Variants in TAF4 observed in about 807,000 individuals in gnomAD.
TAF4 encodes transcription initiation factor TFIID subunit 4.
Under a neutral mutation model 90.3 loss-of-function variants are expected in TAF4, and 9 were observed. The observed-to-expected ratio is 0.10, with a 90% CI of 0.06 to 0.17. The LOEUF (loss-of-function observed/expected upper bound fraction) is 0.17. Among genes scored for constraint, TAF4 ranks in the 10% least tolerant of loss-of-function variants. TAF4 has a pLI of 1.00. For synonymous variants in TAF4, 818 were observed against 638.9 expected (o/e 1.28, Z -4.23); for missense variants, 1,351 against 1,370.7 (o/e 0.99, Z 0.23).
At chr20:61,983,906 G>A (rs1483322495) in intron 14 of TAF4, among the ~76,000 whole-genome samples, 1 of 152,106 alleles carries the variant, frequency 6.6e-6, no homozygotes, top group African/African-American at 2.4e-5. Flanking sequence ...AGACACCCAG[G>A]GTGACGGTCT....
At chr20:62,007,417 AC>A in intron 6 of TAF4, 129 bp downstream of exon 6, 1 of 799,424 alleles carries the variant, frequency 1.3e-6, no homozygotes. Context: ...CCCCGGCCCC[AC>A]CCCCGTAGGC....
At chr20:62,056,167 G>A (rs1243242060) in intron 1 of TAF4, among the ~76,000 whole-genome samples, 1 of 152,170 alleles carries the variant, frequency 6.6e-6, no homozygotes, top group African/African-American at 2.4e-5. Context: ...ATCCCGGGAG[G>A]CGGAGGTTGC....
chr20:62,065,751 T>C lies in TAF4; in HGVS notation c.60A>G (p.Lys20=). 3.0e-6 allele frequency: 4 copies of C among 1,321,056 alleles called. No individual in the cohort carries two copies. The highest frequency in any genetic ancestry group is 3.9e-6 in the Non-Finnish European group (4 of 1,016,540). 81.8% of individuals were successfully genotyped at this position (1,321,056 alleles called of 1,614,324 possible). A position where few individuals can be genotyped will look rare whatever the true frequency, so the allele number is the denominator to read the frequency against. Residue 20 remains lysine (K), a synonymous_variant, in exon 1 of 15, where the codon AAA becomes AAG. Coordinates refer to ENST00000252996, the MANE Select transcript of TAF4 (RefSeq NM_003185.4). ...GCGAGCCCACCAGGTCGCTCACCAC[T>C]TTCTCGTCCACCTCGCTGTTGAAGA... is the stretch of plus-strand genomic sequence containing the variant. ...EVFFNSEVDE[K]VVSDLVGSLE...
Position 62,006,003 on chromosome 20 carries a change from T to C in TAF4, c.2223+507A>G, listed in dbSNP as rs979530481. ...AGCTGCAGAGCAAACGTCATGACTA[T>C]AAAACCAAGAAAGCCAGATCCAAAC... On this transcript the variant is annotated intron_variant, in intron 7 of 14. Transcript: ENST00000252996. This position sits in a 1 kb window ranked among gnomAD's most constrained non-coding sequence, Gnocchi z 7.0. 3 of 153,062 alleles carry C rather than the reference T, an allele frequency of 2.0e-5. No homozygotes were observed. The highest frequency in any genetic ancestry group is 7.2e-5 in the African/African-American group (3 of 41,472). The allele number at this position is 153,062 out of a possible 1,614,324, so 9.5% of individuals were successfully genotyped here.
At chr20:61,985,935 G>A (rs1434507009) in intron 14 of TAF4, among the ~76,000 whole-genome samples, 15 of 129,398 alleles carry the variant, frequency 1.2e-4, no homozygotes, top group East Asian at 2.3e-4. Flanking sequence ...CACCATCCCC[G>A]ACCAAAGGAA....
intron 14 of TAF4, among the ~76,000 whole-genome samples, 195 bp from the exon 15 acceptor site, chr20:61,976,530 C>T (rs1266897535): frequency 6.6e-6 from 1 of 152,226 alleles, no homozygotes; most frequent in Non-Finnish European, 1.5e-5. Context: ...CAGGAGGCCC[C>T]ATGCTGCACC....
intron 5 of TAF4, chr20:62,008,323 C>G (rs899286026): frequency 1.3e-5 from 2 of 152,604 alleles, no homozygotes; most frequent in Non-Finnish European, 2.9e-5. Context: ...CACGGTAAGA[C>G]CAGCCACTCC....
chr20:62,033,920 T>TGGCAGGGTCCCA (rs2055918161), intron 1 of TAF4, among the ~76,000 whole-genome samples: 4 of 151,738 alleles, frequency 2.6e-5, no homozygotes, highest in African/African-American at 9.7e-5. Context: ...CAGGCGCCTG[T>TGGCAGGGTCCCA]AGTCCCTACT....
intron 9 of TAF4, among the ~76,000 whole-genome samples, chr20:62,001,546 G>A (rs889670107): frequency 3.9e-5 from 6 of 152,152 alleles, no homozygotes; most frequent in African/African-American, 7.2e-5. Flanking sequence ...GGCTTTGAAC[G>A]TGAGGCCGGG....
At chr20:62,036,093 A>G (rs2055931247) in intron 1 of TAF4, among the ~76,000 whole-genome samples, 1 of 151,124 alleles carries the variant, frequency 6.6e-6, no homozygotes, top group Non-Finnish European at 1.5e-5. Context: ...GCGCAATCTC[A>G]GCTCACTGCA....
At chr20:62,021,953 C>G (rs1243770631) in intron 1 of TAF4, among the ~76,000 whole-genome samples, 1 of 152,172 alleles carries the variant, frequency 6.6e-6, no homozygotes, top group Admixed American at 6.5e-5. Context: ...GGTCCAAAGC[C>G]CGGGAGGGCG....
chr20:61,984,260 T>C (rs2055568802), intron 14 of TAF4, among the ~76,000 whole-genome samples: 1 of 151,640 alleles, frequency 6.6e-6, no homozygotes, highest in African/African-American at 2.4e-5. Context: ...ACACAAGAAC[T>C]ATGACAACAC....
chr20:62,029,181 G>A (rs1216311906), intron 1 of TAF4, among the ~76,000 whole-genome samples: 1 of 149,468 alleles, frequency 6.7e-6, no homozygotes, highest in Non-Finnish European at 1.5e-5. Flanking sequence ...GGGCGACAGA[G>A]CGAGACTCTG....
chr20:62,013,045 C>T, intron 2 of TAF4, 111 bp from the exon 3 acceptor site: 1 of 1,447,414 alleles, frequency 6.9e-7, no homozygotes, highest in South Asian at 1.4e-5. Context: ...AAGTGGGTCC[C>T]AGGCTTATCC....
intron 1 of TAF4, among the ~76,000 whole-genome samples, chr20:62,022,496 T>C (rs2055849114): frequency 6.6e-6 from 1 of 152,204 alleles, no homozygotes; most frequent in Non-Finnish European, 1.5e-5. Context: ...CACTTCCCTC[T>C]GTAACTAGGA....
At chr20:62,057,211 T>G (rs1282635924) in intron 1 of TAF4, among the ~76,000 whole-genome samples, 1 of 152,208 alleles carries the variant, frequency 6.6e-6, no homozygotes, top group Non-Finnish European at 1.5e-5. Context: ...CAGCCCCCAG[T>G]GGACCAGCTG....
Position 62,027,841 on chromosome 20 carries a change from G to A in TAF4, c.1361-13134C>T, listed in dbSNP as rs571448200. Among the ~76,000 whole-genome samples the A allele has an allele frequency of 3.3e-5, 5 of 152,266 alleles. No individual in the cohort carries two copies. The East Asian group carries it at 7.7e-4, about 24-fold the overall frequency. On this transcript the variant is annotated intron_variant, in intron 1 of 14. Transcript: ENST00000252996. ...AGGCATGGCCCACATCGCTCCATGC[G>A]CACGGGGCAAAGAAACAGTGACTGA...
rs985523818 is a variant in TAF4, at chr20:62,010,219, G to T, written c.1642-54C>A. The T allele has an allele frequency of 8.7e-6, 14 of 1,611,094 alleles. No individual in the cohort carries two copies. The Middle Eastern group carries it at 4.9e-4, about 57-fold the overall frequency. On this transcript the variant is annotated intron_variant, in intron 3 of 14. Transcript: ENST00000252996. The surrounding 1 kb of genome is among the most constrained non-coding windows in gnomAD (Gnocchi z 4.5). The stretch of plus-strand genomic sequence containing the variant: ...GGCATCTCACGCCACCAGCTGACGA[G>T]GGGGAGACCAGCCTCACGCCCAGCA...
chr20:62,025,617 C>T (rs28382038), intron 1 of TAF4, among the ~76,000 whole-genome samples: 2,244 of 152,264 alleles, frequency 0.015, 56 homozygotes, highest in African/African-American at 0.051. Context: ...TCTCTCCTGC[C>T]GCCATGTGAA....
Sources: gnomAD v4.1 joint callset for allele counts (sites outside exome capture counted in the v4.1 genomes callset) on GRCh38, gnomAD v4.1.1 for gene constraint, Gnocchi (gnomAD v3.1) non-coding constraint, MANE v1.5 for transcripts, NCBI Gene and HGNC (gene_info 2026-07-23, HGNC 2026-07-21) for gene names.